Variants in PRKN observed in about 807,000 individuals in gnomAD.
PRKN encodes the protein parkin RBR E3 ubiquitin protein ligase.
In PRKN, 56 loss-of-function variants were observed where a neutral mutation model predicts 59.5. The ratio of observed to expected loss-of-function variants is 0.94; its 90% CI spans 0.76 to 1.18. The LOEUF is 1.18. Ranked by LOEUF, PRKN falls within the 50% of genes most tolerant of loss-of-function variation. The pLI is 0.00. For synonymous variants in PRKN, 250 were observed against 222.1 expected, an observed-to-expected ratio of 1.13 and a Z score of -1.12; for missense variants, 657 against 596.4, an observed-to-expected ratio of 1.10 and a Z score of -1.06.
At chr6:161,862,685 C>G (rs1793952834) in intron 6 of PRKN, among the ~76,000 whole-genome samples, 1 of 152,100 alleles carries the variant, frequency 6.6e-6, no homozygotes, top group African/African-American at 2.4e-5. Context: ...TGAGGTCCAG[C>G]TACAAATGGG....
intron 2 of PRKN, among the ~76,000 whole-genome samples, chr6:162,389,017 A>AAAAC (rs1554312380): frequency 2.0e-5 from 3 of 151,118 alleles, no homozygotes; most frequent in African/African-American, 7.3e-5. Context: ...GAAAAAAAAA[A>AAAAC]AAAAAAACAA....
chr6:162,125,450 A>G (rs1188454421), intron 4 of PRKN, among the ~76,000 whole-genome samples: 2 of 152,168 alleles, frequency 1.3e-5, no homozygotes, highest in Non-Finnish European at 2.9e-5. Flanking sequence ...ATTAGGGACA[A>G]TATTTTTTTC....
At chr6:162,367,481 C>A (rs1442933656) in intron 2 of PRKN, among the ~76,000 whole-genome samples, 1 of 152,124 alleles carries the variant, frequency 6.6e-6, no homozygotes, top group African/African-American at 2.4e-5. Flanking sequence ...TATTGTTCTA[C>A]AAGTAATTCC....
At chr6:161,639,572 T>C (rs1783662018) in intron 7 of PRKN, among the ~76,000 whole-genome samples, 1 of 152,162 alleles carries the variant, frequency 6.6e-6, no homozygotes, top group South Asian at 2.1e-4. Context: ...TTGCCTGCAC[T>C]GTACGCTGCC....
At position 161,517,514 on chromosome 6, in the gene PRKN, G is replaced by A. The variant is rs569753162; in HGVS notation, c.1083+31340C>T. Among the ~76,000 whole-genome samples the A allele has an allele frequency of 4.6e-5, 7 of 152,062 alleles. No individual in the cohort carries two copies. The South Asian group carries it at 1.2e-3, about 27-fold the overall frequency. On this transcript the variant is annotated intron_variant, in intron 9 of 11. Transcript: ENST00000366898. ...CCAGCACTTTGGGAGGCCAAAGCAG[G>A]CAGATCACAAGGTCAGGAGATCAAG... is the stretch of plus-strand genomic sequence containing the variant.
chr6:161,710,153 TC>T (rs1272146004), intron 7 of PRKN, among the ~76,000 whole-genome samples: 3 of 151,864 alleles, frequency 2.0e-5, no homozygotes, highest in African/African-American at 7.2e-5. Context: ...AGGGAAAAAT[TC>T]CCCATGAAGC....
At chr6:161,591,144 A>T (rs544804135) in intron 7 of PRKN, among the ~76,000 whole-genome samples, 1 of 152,320 alleles carries the variant, frequency 6.6e-6, no homozygotes, top group African/African-American at 2.4e-5. Context: ...TCAGAAAAAA[A>T]ATATATGCAC....
intron 6 of PRKN, among the ~76,000 whole-genome samples, chr6:161,938,456 T>C (rs1309037264): frequency 1.3e-5 from 2 of 152,250 alleles, no homozygotes; most frequent in Admixed American, 1.3e-4. Flanking sequence ...TTACATTGTA[T>C]GGTTCTAGAT....
At position 161,359,093 on chromosome 6, in the gene PRKN, C is replaced by A. The variant is rs369531585; in HGVS notation, c.1285+995G>T. 6.6e-6 allele frequency among the ~76,000 whole-genome samples: 1 copy of A among 152,092 alleles called. No homozygotes were observed. Among genetic ancestry groups the A allele is most frequent in the Admixed American group, 6.5e-5 (1 of 15,272 alleles). ...ACAGGCGTGAGCCACCGCGCCCGGC[C>A]GCCTTCTGCTCTTTATAGGTGCATG... On this transcript the variant is annotated intron_variant, in intron 11 of 11. Transcript: ENST00000366898. The surrounding 1 kb of genome is among the most constrained non-coding windows in gnomAD (Gnocchi z 5.4).
At position 162,071,641 on chromosome 6, in the gene PRKN, G is replaced by A. The variant is rs57734107; in HGVS notation, c.535-17467C>T. Among the ~76,000 whole-genome samples, 1,228 of 151,338 alleles carry A rather than the reference G, an allele frequency of 8.1e-3. 19 individuals are homozygous for A. The highest frequency in any genetic ancestry group is 0.027 in the African/African-American group (1,115 of 41,136). ...AGATGGAGTCTCGAGCTGTAGCCCA[G>A]GCTGGAGTGCAGTACTGCGATCCTG... On this transcript the variant is annotated intron_variant, in intron 4 of 11. Transcript: ENST00000366898.
At chr6:162,403,519 G>A (rs776707381) in intron 2 of PRKN, among the ~76,000 whole-genome samples, 7 of 152,002 alleles carry the variant, frequency 4.6e-5, no homozygotes, top group Admixed American at 2.6e-4. Context: ...CTTGTCTGTC[G>A]TCAGCCTTTT....
In PRKN at chr6:161,503,108, C is replaced by T. The variant is rs2115307039; in HGVS notation, c.1083+45746G>A. 6.6e-6 allele frequency among the ~76,000 whole-genome samples: 1 copy of T among 152,110 alleles called. No individual in the cohort carries two copies. The highest frequency in any genetic ancestry group is 2.4e-5 in the African/African-American group (1 of 41,486). On this transcript the variant is annotated intron_variant, in intron 9 of 11. Transcript: ENST00000366898. The surrounding 1 kb of genome is among the most constrained non-coding windows in gnomAD (Gnocchi z 5.1). Reference sequence around the variant, plus strand: ...GTGACTTTCAGGGTATGTCTTCTGGCCCAAGGCTAACAGCAGGTGTGTATT... The same window carrying T: ...GTGACTTTCAGGGTATGTCTTCTGGTCCAAGGCTAACAGCAGGTGTGTATT...
intron 2 of PRKN, among the ~76,000 whole-genome samples, chr6:162,440,617 T>C (rs192279108): frequency 2.6e-5 from 4 of 152,194 alleles, no homozygotes; most frequent in East Asian, 1.9e-4. Flanking sequence ...ATATCACCTA[T>C]GATAAAGAAT....
chr6:161,754,964 A>G lies in PRKN; in HGVS notation c.871+30808T>C, dbSNP rs141161892. On this transcript the variant is annotated intron_variant, in intron 7 of 11. Coordinates refer to ENST00000366898, the MANE Select transcript of PRKN (RefSeq NM_004562.3). ...TGAGAATCCCCACTCAGGGGGAGAA[A>G]TAGTCCCAGGGTGCCAGTATCCAGA... 1.4e-3 allele frequency among the ~76,000 whole-genome samples: 210 copies of G among 152,304 alleles called. 1 individual carries two copies. Among genetic ancestry groups the G allele is most frequent in the African/African-American group, 4.9e-3 (203 of 41,560 alleles).
At chr6:162,295,382 G>C (rs563725845) in intron 2 of PRKN, among the ~76,000 whole-genome samples, 18 of 152,208 alleles carry the variant, frequency 1.2e-4, no homozygotes, top group African/African-American at 4.1e-4. Context: ...TGGAATTATT[G>C]CTATTTATCA....
At chr6:162,659,009 C>T (rs1371472298) in intron 1 of PRKN, among the ~76,000 whole-genome samples, 2 of 152,152 alleles carry the variant, frequency 1.3e-5, no homozygotes, top group East Asian at 3.8e-4. Context: ...CTGTAAAACA[C>T]TGAAAACTCT....
chr6:162,113,222 G>A (rs1212335716), intron 4 of PRKN, among the ~76,000 whole-genome samples: 3 of 152,122 alleles, frequency 2.0e-5, no homozygotes. Flanking sequence ...AATTAGAAAA[G>A]ACCCGATCTA....
At chr6:161,889,811 A>G (rs927269283) in intron 6 of PRKN, among the ~76,000 whole-genome samples, 2 of 152,262 alleles carry the variant, frequency 1.3e-5, no homozygotes, top group Admixed American at 6.5e-5. Context: ...AAGAAACTGC[A>G]GAACTCTTCA....
In PRKN at chr6:161,582,806, C is replaced by T. The variant is rs1423857592; in HGVS notation, c.872-13390G>A. Among the ~76,000 whole-genome samples, 1 of 152,034 alleles carries T rather than the reference C, an allele frequency of 6.6e-6. No homozygotes were observed. The highest frequency in any genetic ancestry group is 1.9e-4 in the East Asian group (1 of 5,180). On this transcript the variant is annotated intron_variant, in intron 7 of 11. Coordinates refer to ENST00000366898, the MANE Select transcript of PRKN (RefSeq NM_004562.3). The surrounding 1 kb of genome is among the most constrained non-coding windows in gnomAD (Gnocchi z 4.4). The stretch of plus-strand genomic sequence containing the variant: ...ATACATGCATGAATTGAGTTCAGAG[C>T]TGTCGTCTTATGACTCAGATCCATG...
Sources: gnomAD v4.1 joint callset for allele counts (sites outside exome capture counted in the v4.1 genomes callset) on GRCh38, gnomAD v4.1.1 for gene constraint, Gnocchi (gnomAD v3.1) non-coding constraint, MANE v1.5 for transcripts, NCBI Gene and HGNC (gene_info 2026-07-23, HGNC 2026-07-21) for gene names.